CPXM2: variants seen among roughly 807,000 people sequenced by gnomAD.
CPXM2 encodes carboxypeptidase X, M14 family member 2.
Under a neutral mutation model 86.1 loss-of-function variants are expected in CPXM2, and 66 were observed. That is an observed-to-expected ratio of 0.77 (90% CI 0.63 to 0.94). The LOEUF (loss-of-function observed/expected upper bound fraction) is 0.94, where lower values mean the gene tolerates loss of function less well. Among genes scored for constraint, CPXM2 ranks in the 40% least tolerant of loss-of-function variants. The pLI is 0.00. For missense variants in CPXM2, 948 were observed against 1,026.3 expected (o/e 0.92, Z 1.04); for synonymous variants, 388 against 400.2 (o/e 0.97, Z 0.36).
rs113564743 is a variant in CPXM2 at position 123,774,370 on chromosome 10, C to T, written c.979-3331G>A. On this transcript the variant is annotated intron_variant, in intron 7 of 13. Transcript: ENST00000241305. ...TCAACCGAATTATCCATAAAATGTC[C>T]TTGTAAAGTGTAGATAAACAAATCT... Among the ~76,000 whole-genome samples, 1,264 of 152,302 alleles carry T rather than the reference C, an allele frequency of 8.3e-3. 20 individuals carry two copies. Among genetic ancestry groups the T allele is most frequent in the African/African-American group, 0.029 (1,220 of 41,536 alleles).
intron 4 of CPXM2, among the ~76,000 whole-genome samples, chr10:123,815,127 C>T (rs1847787172): frequency 6.6e-6 from 1 of 152,170 alleles, no homozygotes; most frequent in Non-Finnish European, 1.5e-5. Context: ...TACCTTTGAC[C>T]ATATGTGGAG....
At chr10:123,873,258 T>C (rs1183567359) in intron 2 of CPXM2, among the ~76,000 whole-genome samples, 9 of 147,336 alleles carry the variant, frequency 6.1e-5, no homozygotes, top group Admixed American at 1.4e-4. Flanking sequence ...CAATAAAGAG[T>C]AGAAAATTGA....
intron 2 of CPXM2, among the ~76,000 whole-genome samples, chr10:123,901,837 G>T (rs2134261361): frequency 6.6e-6 from 1 of 152,242 alleles, no homozygotes; most frequent in Non-Finnish European, 1.5e-5. Context: ...ACCAATCAAG[G>T]CTCAGCTGTA....
rs1847594524 is a variant in CPXM2 at position 123,807,048 on chromosome 10, G to C, written c.654-7849C>G. On this transcript the variant is annotated intron_variant, in intron 4 of 13. Coordinates refer to ENST00000241305, the MANE Select transcript of CPXM2 (RefSeq NM_198148.3). ...GGTAACAACTCTACCTCCTTGTATA[G>C]TGAGTAGGGATTGAATGGGGTAATG... 3.9e-5 allele frequency among the ~76,000 whole-genome samples: 6 copies of C among 152,200 alleles called. No homozygotes were observed. The South Asian group carries it at 1.2e-3, about 32-fold the overall frequency.
At chr10:123,790,728 C>T (rs542337869) in intron 6 of CPXM2, among the ~76,000 whole-genome samples, 9 of 152,064 alleles carry the variant, frequency 5.9e-5, no homozygotes, top group African/African-American at 1.4e-4. Flanking sequence ...CCAAGAGAGA[C>T]GGGGGCAGCA....
chr10:123,889,968 C>T lies in CPXM2; in HGVS notation c.304+1388G>A, dbSNP rs1945241201. On this transcript the variant is annotated intron_variant, in intron 1 of 13. Transcript: ENST00000241305. ...TGTGGATTTGATTCAAACTACCAAA[C>T]CAAAAAGGCCTTGAGTTAAAAAGGA... is the stretch of plus-strand genomic sequence containing the variant. Among the ~76,000 whole-genome samples the T allele has an allele frequency of 3.9e-5, 6 of 152,064 alleles. No individual in the cohort carries two copies. In the South Asian group the frequency reaches 1.2e-3, roughly 32 times the overall value.
At chr10:123,796,146 G>A (rs114294652) in intron 6 of CPXM2, among the ~76,000 whole-genome samples, 3,614 of 152,282 alleles carry the variant, frequency 0.024, 135 homozygotes, top group African/African-American at 0.079. Context: ...GCACCAGCCC[G>A]CCACAGAAGG....
chr10:123,878,296 CTT>C (rs72163200), intron 2 of CPXM2, among the ~76,000 whole-genome samples: 44,497 of 122,668 alleles, frequency 0.36, 8,062 homozygotes, highest in Middle Eastern at 0.42. Flanking sequence ...TTTTTTCTCT[CTT>C]TTTTTTTTTT....
upstream of CPXM2, among the ~76,000 whole-genome samples, chr10:123,893,701 C>T (rs1044143863): frequency 6.6e-6 from 1 of 151,726 alleles, no homozygotes; most frequent in Non-Finnish European, 1.5e-5. Context: ...CCCCAGGGCT[C>T]ACTCCTGGGG....
chr10:123,916,438 C>G (rs1404685937), intron 2 of CPXM2, among the ~76,000 whole-genome samples: 1 of 152,174 alleles, frequency 6.6e-6, no homozygotes, highest in East Asian at 1.9e-4. Flanking sequence ...GCTAAGCACT[C>G]CCACCCCACC....
intron 7 of CPXM2, among the ~76,000 whole-genome samples, chr10:123,772,268 ACCTTCACTG>A (rs1846656348): frequency 1.2e-3 from 3 of 2,506 alleles, no homozygotes; most frequent in Admixed American, 3.5e-3. Context: ...TGTGGTTCTC[ACCTTCACTG>A]TTGTGGTTCT....
At chr10:123,915,815 T>A (rs1945530021) in intron 2 of CPXM2, among the ~76,000 whole-genome samples, 1 of 152,198 alleles carries the variant, frequency 6.6e-6, no homozygotes, top group South Asian at 2.1e-4. Context: ...GAAAGTGCTC[T>A]ATGAACTTTC....
At chr10:123,907,438 G>A (rs575036538) in intron 2 of CPXM2, among the ~76,000 whole-genome samples, 5 of 152,130 alleles carry the variant, frequency 3.3e-5, no homozygotes, top group Admixed American at 6.5e-5. Context: ...AAGCGGCATC[G>A]CTGGGCGGGG....
At chr10:123,796,112 G>A (rs759528656) in intron 6 of CPXM2, among the ~76,000 whole-genome samples, 12 of 152,234 alleles carry the variant, frequency 7.9e-5, no homozygotes, top group East Asian at 1.9e-4. Flanking sequence ...CCAGGATGCC[G>A]GGACCAGTCC....
chr10:123,871,946 G>T (rs1230185167), intron 2 of CPXM2, among the ~76,000 whole-genome samples: 1 of 152,092 alleles, frequency 6.6e-6, no homozygotes, highest in African/African-American at 2.4e-5. Flanking sequence ...TTATCCTAAT[G>T]GTAAGTAAGC....
chr10:123,862,549 C>T, intron 3 of CPXM2, 65 bp downstream of exon 3: 1 of 1,410,574 alleles, frequency 7.1e-7, no homozygotes, highest in South Asian at 1.2e-5. Flanking sequence ...TTGCCTGATC[C>T]AAGCTCAAGG....
In CPXM2 at chr10:123,935,175, A is replaced by G. The variant is rs201132111; in HGVS notation, n.174+4302T>C. Among the ~76,000 whole-genome samples the G allele has an allele frequency of 1.1e-4, 16 of 152,294 alleles. No individual in the cohort carries two copies. The East Asian group carries it at 3.1e-3, about 29-fold the overall frequency. ...GCATGGAGCCCACTCAATCCTGTTA[A>G]CCATGAGCTGTTAATGCTATTGTAG... On this transcript the variant is annotated intron_variant and non_coding_transcript_variant, in intron 2 of 19. Transcript: ENST00000368854.
chr10:123,817,322 G>T lies in CPXM2; in HGVS notation c.654-18123C>A, dbSNP rs565642277. ...TGCTTGAGGCGTCAGCAGAAGATAG[G>T]CATGCTGTCTGGAGCCTTTGGCAGG... is the stretch of plus-strand genomic sequence containing the variant. On this transcript the variant is annotated intron_variant, in intron 4 of 13. Transcript: ENST00000241305. Among the ~76,000 whole-genome samples, 5 of 152,298 alleles carry T rather than the reference G, an allele frequency of 3.3e-5. No individual in the cohort carries two copies. The South Asian group carries it at 1.0e-3, about 32-fold the overall frequency.
intron 1 of CPXM2, among the ~76,000 whole-genome samples, chr10:123,889,633 A>G (rs577277694): frequency 1.4e-4 from 21 of 152,354 alleles, no homozygotes; most frequent in African/African-American, 5.1e-4. Context: ...GCTTTCATTA[A>G]AAAGGTTTTT....
Sources: gnomAD v4.1 joint callset for allele counts (sites outside exome capture counted in the v4.1 genomes callset) on GRCh38, gnomAD v4.1.1 for gene constraint, MANE v1.5 for transcripts, NCBI Gene and HGNC (gene_info 2026-07-23, HGNC 2026-07-21) for gene names.